The following CAVIN2 variants were observed in gnomAD, a reference collection of about 807,000 sequenced individuals.
CAVIN2 encodes caveolae associated protein 2.
In CAVIN2, 13 loss-of-function variants were observed where a neutral mutation model predicts 11.7. That is an observed-to-expected ratio of 1.11 (90% CI 0.72 to 1.77). The LOEUF (loss-of-function observed/expected upper bound fraction) is 1.77. Ranked by LOEUF, CAVIN2 falls within the 40% of genes most tolerant of loss-of-function variation. CAVIN2 has a pLI of 0.00. For missense variants in CAVIN2, 549 were observed against 542.9 expected (o/e 1.01, Z -0.11); for synonymous variants, 237 against 223.2 (o/e 1.06, Z -0.55).
At chr2:191,840,066 C>T (rs188872348) in intron 1 of CAVIN2, among the ~76,000 whole-genome samples, 141 of 152,310 alleles carry the variant, frequency 9.3e-4, no homozygotes, top group African/African-American at 3.2e-3. Flanking sequence ...CACCTGCACA[C>T]GTGCCCTGTG....
chr2:191,845,219 C>A (rs1334368845), intron 1 of CAVIN2, among the ~76,000 whole-genome samples: 1 of 152,160 alleles, frequency 6.6e-6, no homozygotes, highest in Non-Finnish European at 1.5e-5. Flanking sequence ...TAAACCTTTA[C>A]AATATTCAAG....
chr2:191,836,833 T>G (rs1411709085), intron 1 of CAVIN2, 116 bp from the exon 2 acceptor site: 1 of 1,018,324 alleles, frequency 9.8e-7, no homozygotes, highest in African/African-American at 1.6e-5. Flanking sequence ...AAACAAATGT[T>G]TGTGGCTTGA....
intron 1 of CAVIN2, 102 bp downstream of exon 1, chr2:191,846,341 A>T (rs1003641911): frequency 1.2e-5 from 16 of 1,356,370 alleles, no homozygotes; most frequent in Non-Finnish European, 1.6e-5. Flanking sequence ...GATCCCTGAC[A>T]GGCAGGACAA....
chr2:191,835,795 TG>T lies in CAVIN2; in HGVS notation c.*127del. Reference sequence around the variant, plus strand: ...TCTCGTGTGTCTTACTATGACTATATGGTCAATGATTACTGCCTGGACAGGA... The same window carrying T: ...TCTCGTGTGTCTTACTATGACTATATGTCAATGATTACTGCCTGGACAGGA... On this transcript the variant is annotated 3_prime_UTR_variant, in exon 2 of 2. Coordinates refer to ENST00000304141, the MANE Select transcript of CAVIN2 (RefSeq NM_004657.6). 2 of 883,546 alleles carry T rather than the reference TG, an allele frequency of 2.3e-6. No individual in the cohort carries two copies. The highest frequency in any genetic ancestry group is 3.4e-6 in the Non-Finnish European group (2 of 591,348). The allele number at this position is 883,546 out of a possible 1,614,324, so 54.7% of individuals were successfully genotyped here.
chr2:191,845,036 TTTCTAATATCTC>T (rs1690145476), intron 1 of CAVIN2, among the ~76,000 whole-genome samples: 1 of 152,182 alleles, frequency 6.6e-6, no homozygotes, highest in Non-Finnish European at 1.5e-5. Context: ...AGAGCTGAGA[TTTCTAATATCTC>T]TTAGGCTAAT....
Position 191,836,034 on chromosome 2 carries a change from C to T in CAVIN2, c.1167G>A (p.Gln389=). Residue 389 remains glutamine, a synonymous_variant, in exon 2 of 2, where the codon CAG becomes CAA. Coordinates refer to ENST00000304141, the MANE Select transcript of CAVIN2 (RefSeq NM_004657.6). ...DEEEESVALE[Q]AQKVRYEGSY... is the part of the protein sequence containing the mutation. The stretch of plus-strand genomic sequence containing the variant: ...TACCCTCATAGCGTACCTTCTGTGC[C>T]TGTTCCAGGGCCACTGACTCCTCCT... The T allele has an allele frequency of 1.2e-6, 2 of 1,614,226 alleles. No homozygotes were observed. Among genetic ancestry groups the T allele is most frequent in the South Asian group, 1.1e-5 (1 of 91,086 alleles).
At chr2:191,837,565 G>C (rs762148370) in intron 1 of CAVIN2, among the ~76,000 whole-genome samples, 1 of 152,072 alleles carries the variant, frequency 6.6e-6, no homozygotes, top group South Asian at 2.1e-4. Flanking sequence ...CCCCTTCACC[G>C]TTGCCAGCAC....
chr2:191,840,894 A>G lies in CAVIN2; in HGVS notation c.484-4177T>C, dbSNP rs139922177. On this transcript the variant is annotated intron_variant, in intron 1 of 1. Transcript: ENST00000304141. ...AAATAACAAAGGATGTCATATTCCC[A>G]CTGGGATGCAGTAGAATCCTGGAGG... Among the ~76,000 whole-genome samples, 500 of 152,366 alleles carry G rather than the reference A, an allele frequency of 3.3e-3. 11 individuals are homozygous for G. The highest frequency in any genetic ancestry group is 0.024 in the Admixed American group (371 of 15,308).
chr2:191,838,051 T>C (rs1158739304), intron 1 of CAVIN2, among the ~76,000 whole-genome samples: 1 of 152,216 alleles, frequency 6.6e-6, no homozygotes, highest in Non-Finnish European at 1.5e-5. Flanking sequence ...CTGCCACCTC[T>C]CCTGCAACCA....
intron 1 of CAVIN2, among the ~76,000 whole-genome samples, chr2:191,843,805 C>T (rs979888099): frequency 9.2e-5 from 14 of 152,200 alleles, no homozygotes; most frequent in African/African-American, 3.4e-4. Context: ...TCATTGAGCA[C>T]TTATACCATG....
At chr2:191,838,413 A>T (rs1418314976) in intron 1 of CAVIN2, among the ~76,000 whole-genome samples, 3 of 152,216 alleles carry the variant, frequency 2.0e-5, no homozygotes, top group East Asian at 3.8e-4. Context: ...AGTCCTTTCC[A>T]TAAATTGGTT....
chr2:191,837,621 C>T (rs1262730996), intron 1 of CAVIN2, among the ~76,000 whole-genome samples: 15 of 152,194 alleles, frequency 9.9e-5, no homozygotes, highest in Admixed American at 7.8e-4. Context: ...CTCCTCTTGG[C>T]TCTCAAGGAG....
rs774759239 is a variant in CAVIN2, at chr2:191,835,963, G to A, written c.1238C>T (p.Pro413Leu). ...CACCTGGAGCACGGCGGGCTGCACGGGGTCCCCATCGGAGCGCTCCGCCTC... is the reference window on the plus strand; with the variant it reads ...CACCTGGAGCACGGCGGGCTGCACGAGGTCCCCATCGGAGCGCTCCGCCTC... ...SEEAERSDGD[P>L]VQPAVLQVHQ... The change falls in exon 2 of 2, where the codon CCC (proline) becomes CTC (leucine). Residue 413 changes from proline to leucine, a missense_variant. Physicochemically the swap from Pro to Leu is moderately conservative, Grantham distance 98. Transcript: ENST00000304141. 1.2e-4 allele frequency: 189 copies of A among 1,613,924 alleles called. 1 individual carries two copies. The East Asian group carries it at 4.2e-3, about 36-fold the overall frequency.
chr2:191,836,782 G>A, intron 1 of CAVIN2, 65 bp from the exon 2 acceptor site: 1 of 1,417,626 alleles, frequency 7.1e-7, no homozygotes, highest in Non-Finnish European at 9.5e-7. Context: ...CTGAGCTGCT[G>A]TAATACGTGT....
Position 191,835,824 on chromosome 2 carries a change from G to T in CAVIN2, c.*99C>A. 8.5e-7 allele frequency: 1 copy of T among 1,171,218 alleles called. No homozygotes were observed. Among genetic ancestry groups the T allele is most frequent in the Non-Finnish European group, 1.2e-6 (1 of 837,832 alleles). 72.6% of individuals were successfully genotyped at this position (1,171,218 alleles called of 1,614,324 possible). On this transcript the variant is annotated 3_prime_UTR_variant, in exon 2 of 2. Coordinates refer to ENST00000304141, the MANE Select transcript of CAVIN2 (RefSeq NM_004657.6). Reference sequence around the variant, plus strand: ...CAATGATTACTGCCTGGACAGGAACGCAGGAGTGGGTGAGTCGTGCTGGAG... The same window carrying T: ...CAATGATTACTGCCTGGACAGGAACTCAGGAGTGGGTGAGTCGTGCTGGAG...
At position 191,835,815 on chromosome 2, in the gene CAVIN2, G is replaced by A; in HGVS notation, c.*108C>T. 3.7e-6 allele frequency: 4 copies of A among 1,093,492 alleles called. No homozygotes were observed. The highest frequency in any genetic ancestry group is 5.2e-6 in the Non-Finnish European group (4 of 773,524). The allele number at this position is 1,093,492 out of a possible 1,614,324, so 67.7% of individuals were successfully genotyped here. Reference sequence around the variant, plus strand: ...CTATATGGTCAATGATTACTGCCTGGACAGGAACGCAGGAGTGGGTGAGTC... The same window carrying A: ...CTATATGGTCAATGATTACTGCCTGAACAGGAACGCAGGAGTGGGTGAGTC... On this transcript the variant is annotated 3_prime_UTR_variant, in exon 2 of 2. Transcript: ENST00000304141.
intron 1 of CAVIN2, among the ~76,000 whole-genome samples, chr2:191,840,041 T>C (rs1690072268): frequency 6.6e-6 from 1 of 152,200 alleles, no homozygotes; most frequent in Non-Finnish European, 1.5e-5. Flanking sequence ...TGCCCTCTCC[T>C]GAGGTGCCTA....
In CAVIN2 at chr2:191,846,533, G is replaced by A. The variant is rs1337588820; in HGVS notation, c.393C>T (p.Arg131=). 1 of 1,614,260 alleles carries A rather than the reference G, an allele frequency of 6.2e-7. No homozygotes were observed. Among genetic ancestry groups the A allele is most frequent in the Non-Finnish European group, 8.5e-7 (1 of 1,180,042 alleles). ...TCACCTGTGCGCACTGCCTATCCAT[G>A]CGCTCTTTGACCGCGCGCGTGTGGG... ...VSAHTRAVKE[R]MDRQCAQVKR... Residue 131 remains arginine (R), a synonymous_variant, in exon 1 of 2, where the codon CGC becomes CGT. Coordinates refer to ENST00000304141, the MANE Select transcript of CAVIN2 (RefSeq NM_004657.6).
In CAVIN2 at chr2:191,834,334, A is replaced by AAT. The variant is rs1324638275; in HGVS notation, c.*1587_*1588dup. 1 of 152,190 alleles carries AAT rather than the reference A, an allele frequency of 6.6e-6. No homozygotes were observed. Among genetic ancestry groups the AAT allele is most frequent in the East Asian group, 1.9e-4 (1 of 5,200 alleles). The allele number at this position is 152,190 out of a possible 1,614,324, so 9.4% of individuals were successfully genotyped here. A position where few individuals can be genotyped will look rare whatever the true frequency, so the allele number is the denominator to read the frequency against. ...ATGCTTTTTATTTTTCGGTTTATTTAATCTTCTTTAACACAGCCATTGTTG... is the reference window on the plus strand; with the variant it reads ...ATGCTTTTTATTTTTCGGTTTATTTAATATCTTCTTTAACACAGCCATTGTTG... On this transcript the variant is annotated 3_prime_UTR_variant, in exon 2 of 2. Coordinates refer to ENST00000304141, the MANE Select transcript of CAVIN2 (RefSeq NM_004657.6).
Sources: allele counts gnomAD v4.1 joint callset (sites outside exome capture counted in the v4.1 genomes callset), GRCh38; gene constraint gnomAD v4.1.1; transcripts MANE v1.5; gene names NCBI Gene and HGNC (gene_info 2026-07-23, HGNC 2026-07-21).